SERPINA6: variants seen among roughly 807,000 people sequenced by gnomAD.
SERPINA6 encodes serpin family A member 6, also known as corticosteroid-binding globulin.
A neutral mutation model predicts 26.4 loss-of-function variants in SERPINA6; 19 were observed. The observed-to-expected ratio is 0.72, with a 90% CI of 0.50 to 1.06. The LOEUF (loss-of-function observed/expected upper bound fraction) is 1.06, where lower values mean the gene tolerates loss of function less well. Ranked by LOEUF, SERPINA6 falls within the 50% of genes least tolerant of loss-of-function variation. SERPINA6 has a pLI of 0.00. For synonymous variants in SERPINA6, 196 were observed against 199.4 expected (o/e 0.98, Z 0.14); for missense variants, 473 against 504.0 (o/e 0.94, Z 0.59).
chr14:94,323,024 T>G (rs1895705696), intron 1 of SERPINA6, among the ~76,000 whole-genome samples: 1 of 152,216 alleles, frequency 6.6e-6, no homozygotes. Context: ...TACAGCCCTC[T>G]GTGTCAGCCC....
At chr14:94,318,452 G>T (rs1161251070) in intron 1 of SERPINA6, among the ~76,000 whole-genome samples, 2 of 152,126 alleles carry the variant, frequency 1.3e-5, no homozygotes, top group African/African-American at 2.4e-5. Context: ...AAACAGTGTG[G>T]TACTGGCATA....
rs759725237 is a variant in SERPINA6 at position 94,313,928 on chromosome 14, T to C, written c.613+108A>G. On this transcript the variant is annotated intron_variant, in intron 2 of 4. Coordinates refer to ENST00000341584, the MANE Select transcript of SERPINA6 (RefSeq NM_001756.4). ...GAAGATGGAGATTCCCAGATGTGTA[T>C]GTGCTTTACAGAATCAAAGACTTTG... 1.2e-5 allele frequency: 14 copies of C among 1,153,856 alleles called. No homozygotes were observed. In the East Asian group the frequency reaches 2.8e-4, roughly 23 times the overall value. 71.5% of individuals were successfully genotyped at this position (1,153,856 alleles called of 1,614,324 possible).
At chr14:94,307,526 G>C (rs1895459403) in intron 3 of SERPINA6, among the ~76,000 whole-genome samples, 1 of 152,370 alleles carries the variant, frequency 6.6e-6, no homozygotes, top group South Asian at 2.1e-4. Flanking sequence ...AAGAAAGATA[G>C]ATAGTCCTTC....
intron 1 of SERPINA6, among the ~76,000 whole-genome samples, chr14:94,318,299 T>G (rs1895639547): frequency 6.6e-6 from 1 of 152,194 alleles, no homozygotes; most frequent in South Asian, 2.1e-4. Context: ...CAGTTCTGTA[T>G]TTCACAGAAA....
chr14:94,310,803 C>T (rs28667440), intron 2 of SERPINA6, among the ~76,000 whole-genome samples: 2,094 of 152,300 alleles, frequency 0.014, 57 homozygotes, highest in African/African-American at 0.048. Flanking sequence ...CTGAGTGTCA[C>T]AGGGTCTCTC....
intron 3 of SERPINA6, among the ~76,000 whole-genome samples, chr14:94,307,523 A>G (rs539761266): frequency 6.6e-6 from 1 of 152,362 alleles, no homozygotes; most frequent in African/African-American, 2.4e-5. Flanking sequence ...GTAAAGAAAG[A>G]TAGATAGTCC....
At position 94,314,145 on chromosome 14, in the gene SERPINA6, T is replaced by A; in HGVS notation, c.504A>T (p.Arg168Ser). ...MNFQDWATAS[R>S]QINSYVKNKT... is the part of the protein sequence containing the mutation. ...TATTCTTGACATAGCTGTTGATCTG[T>A]CTGCTGGCTGTTGCCCAGTCCTGGA... is the stretch of plus-strand genomic sequence containing the variant. Residue 168 changes from arginine (R) to serine (S), a missense_variant, in exon 2 of 5, where the codon AGA (arginine) becomes AGT (serine). Transcript: ENST00000341584. 1 of 1,614,232 alleles carries A rather than the reference T, an allele frequency of 6.2e-7. No individual in the cohort carries two copies. Among genetic ancestry groups the A allele is most frequent in the South Asian group, 1.1e-5 (1 of 91,084 alleles).
chr14:94,312,853 G>A (rs1207125360), intron 2 of SERPINA6, among the ~76,000 whole-genome samples: 2 of 152,128 alleles, frequency 1.3e-5, no homozygotes, highest in African/African-American at 4.8e-5. Flanking sequence ...GAGGGGAAGG[G>A]GGCATGAGGG....
intron 3 of SERPINA6, among the ~76,000 whole-genome samples, chr14:94,307,430 G>A (rs1895457392): frequency 6.6e-6 from 1 of 152,236 alleles, no homozygotes; most frequent in African/African-American, 2.4e-5. Flanking sequence ...CTCTCTGAGA[G>A]CAAGGTGATG....
Position 94,305,626 on chromosome 14 carries a change from T to C in SERPINA6, c.1032+445A>G, listed in dbSNP as rs147769846. 1.2e-4 allele frequency among the ~76,000 whole-genome samples: 18 copies of C among 152,322 alleles called. No homozygotes were observed. In the East Asian group the frequency reaches 3.5e-3, roughly 29 times the overall value. ...TTTGGGATATATAGTAGGTGTTCAG[T>C]AAACATTTTCTGAATGCATGAATAA... On this transcript the variant is annotated intron_variant, in intron 4 of 4. Transcript: ENST00000341584.
intron 2 of SERPINA6, among the ~76,000 whole-genome samples, chr14:94,311,241 T>C (rs898110815): frequency 5.9e-5 from 9 of 152,280 alleles, no homozygotes; most frequent in Admixed American, 5.9e-4. Context: ...TCACGGCAAA[T>C]GAGATTATTT....
chr14:94,314,796 G>A, intron 1 of SERPINA6, 129 bp from the exon 2 acceptor site: 5 of 830,874 alleles, frequency 6.0e-6, no homozygotes, highest in South Asian at 4.3e-5. Context: ...TGTGTGACCT[G>A]GAGCACATCA....
chr14:94,313,948 A>G, intron 2 of SERPINA6, 88 bp downstream of exon 2: 1 of 1,399,848 alleles, frequency 7.1e-7, no homozygotes, highest in South Asian at 1.2e-5. Context: ...AGAATCAAAG[A>G]CTTTGCCCAA....
At position 94,304,546 on chromosome 14, in the gene SERPINA6, T is replaced by G; in HGVS notation, c.1090A>C (p.Thr364Pro). ...NEEGVDTAGS[T>P]GVTLNLTSKP... ...GACGTCAGGTTTAGGGTGACCCCAG[T>G]GGAGCCAGCTGTGTCCACACCCTCC... The change falls in exon 5 of 5, where the codon ACT (threonine) becomes CCT (proline). Residue 364 changes from threonine to proline, a missense_variant. Physicochemically the swap from Thr to Pro is conservative, Grantham distance 38 (BLOSUM62 -1). Coordinates refer to ENST00000341584, the MANE Select transcript of SERPINA6 (RefSeq NM_001756.4). 6.2e-7 allele frequency: 1 copy of G among 1,614,160 alleles called. No individual in the cohort carries two copies. Among genetic ancestry groups the G allele is most frequent in the Non-Finnish European group, 8.5e-7 (1 of 1,180,020 alleles).
In SERPINA6 at chr14:94,314,102, C is replaced by G; in HGVS notation, c.547G>C (p.Val183Leu). Residue 183 changes from valine to leucine, a missense_variant, in exon 2 of 5, where the codon GTC (valine) becomes CTC (leucine). Physicochemically the swap from Val to Leu is conservative, Grantham distance 32. Transcript: ENST00000341584. ...CTATCCAGCCCTGAAAACAAGTCGA[C>G]AATTTTCCCCTGTGTCTTATTCTTG... ...YVKNKTQGKIVDLFSGLDSPA... is the reference protein window; with the variant it reads ...YVKNKTQGKILDLFSGLDSPA... 1.2e-6 allele frequency: 2 copies of G among 1,614,174 alleles called. No individual in the cohort carries two copies. Among genetic ancestry groups the G allele is most frequent in the Non-Finnish European group, 1.7e-6 (2 of 1,180,026 alleles).
At chr14:94,308,816 C>T (rs539581288) in intron 3 of SERPINA6, among the ~76,000 whole-genome samples, 28 of 152,348 alleles carry the variant, frequency 1.8e-4, no homozygotes, top group Non-Finnish European at 2.9e-4. Context: ...CCCATCCATC[C>T]GCTCACTCAT....
chr14:94,316,779 G>A (rs1895620298), intron 1 of SERPINA6, among the ~76,000 whole-genome samples: 1 of 152,240 alleles, frequency 6.6e-6, no homozygotes, highest in Non-Finnish European at 1.5e-5. Flanking sequence ...GGAACAAAGA[G>A]GTAGGAGAAG....
In SERPINA6 at chr14:94,323,260, TACTC is replaced by T. The variant is rs1385711729; in HGVS notation, c.-20+3_-20+6del. The T allele has an allele frequency of 6.6e-6, 1 of 152,434 alleles. No individual in the cohort carries two copies. Among genetic ancestry groups the T allele is most frequent in the East Asian group, 1.9e-4 (1 of 5,206 alleles). The allele number at this position is 152,434 out of a possible 1,614,324, so 9.4% of individuals were successfully genotyped here. ...GGAGGGACAGAGGGTTCTCAGGTGT[TACTC>T]ACAGTCTGCGGTGGGCTCAGGCTGT... is the stretch of plus-strand genomic sequence containing the variant. On this transcript the variant is annotated splice_donor_5th_base_variant and intron_variant, in intron 1 of 4. Transcript: ENST00000341584.
At chr14:94,322,690 G>A (rs1895700226) in intron 1 of SERPINA6, among the ~76,000 whole-genome samples, 2 of 152,218 alleles carry the variant, frequency 1.3e-5, no homozygotes, top group South Asian at 4.1e-4. Context: ...GCCAGGCACA[G>A]TTCTTGACCT....
Sources: allele counts gnomAD v4.1 joint callset (sites outside exome capture counted in the v4.1 genomes callset), GRCh38; gene constraint gnomAD v4.1.1; transcripts MANE v1.5; gene names NCBI Gene and HGNC (gene_info 2026-07-23, HGNC 2026-07-21).